The following INTS6L variants were observed in gnomAD, a reference collection of about 807,000 sequenced individuals.
INTS6L encodes integrator complex subunit 6-like.
INTS6L carries 18 observed loss-of-function variants against 64.7 expected under a neutral mutation model. The ratio of observed to expected loss-of-function variants is 0.28; its 90% CI spans 0.19 to 0.41. The LOEUF (loss-of-function observed/expected upper bound fraction) is 0.41, where lower values mean the gene tolerates loss of function less well. Among genes scored for constraint, INTS6L ranks in the 10% least tolerant of loss-of-function variants. The pLI is 1.00. For missense variants in INTS6L, 533 were observed against 661.0 expected (o/e 0.81, Z 2.12); for synonymous variants, 227 against 235.9 (o/e 0.96, Z 0.34).
At chrX:135,523,447 T>C (rs782223597) in intron 2 of INTS6L, among the ~76,000 whole-genome samples, 9 of 106,395 alleles carry the variant, frequency 8.5e-5, no homozygotes, top group African/African-American at 3.0e-4. Flanking sequence ...TATTTATCAT[T>C]TTTCCATATG....
rs1603014925 is a variant in INTS6L at position 135,577,266 on chromosome X, A to G, written c.1958A>G (p.Asn653Ser). The change falls in exon 15 of 18, where the codon AAC (asparagine) becomes AGC (serine). Residue 653 changes from asparagine (N) to serine (S), a missense_variant. Coordinates refer to ENST00000639893, the MANE Select transcript of INTS6L (RefSeq NM_001351601.3). ...QNKVKRPGEPNSPMSSKRRRS... is the reference protein window; with the variant it reads ...QNKVKRPGEPSSPMSSKRRRS... ...AAAGTGAAACGTCCAGGGGAACCCA[A>G]CAGTCCTATGTCATCTAAGAGAAGG... The G allele has an allele frequency of 3.3e-6, 4 of 1,209,913 alleles. No homozygotes were observed. The highest frequency in any genetic ancestry group is 4.5e-6 in the Non-Finnish European group (4 of 895,298).
intron 2 of INTS6L, among the ~76,000 whole-genome samples, chrX:135,530,037 CAG>C (rs2085862946): frequency 8.9e-6 from 1 of 111,961 alleles, no homozygotes; most frequent in Non-Finnish European, 1.9e-5. Flanking sequence ...TCAATTGTGA[CAG>C]AAAATTCCTT....
chrX:135,574,133 A>G, intron 13 of INTS6L, 71 bp downstream of exon 13: 1 of 1,056,564 alleles, frequency 9.5e-7, no homozygotes. Context: ...GAAGGTGTTT[A>G]TTGCATAATG....
intron 3 of INTS6L, among the ~76,000 whole-genome samples, chrX:135,546,057 T>A (rs1556514973): frequency 8.9e-6 from 1 of 112,237 alleles, no homozygotes; most frequent in Admixed American, 9.4e-5. Context: ...CTTAAGTGAA[T>A]GGATTCATGA....
At chrX:135,549,618 G>C in intron 6 of INTS6L, 24 bp from the exon 7 acceptor site, 1 of 1,192,001 alleles carries the variant, frequency 8.4e-7, no homozygotes, top group Non-Finnish European at 1.1e-6. Context: ...TCACGCCTTA[G>C]TTTGTCTTTT....
rs782481778 is a variant in INTS6L, at chrX:135,526,403, T to C, written c.189+5085T>C. Among the ~76,000 whole-genome samples the C allele has an allele frequency of 2.7e-5, 3 of 111,700 alleles. No individual in the cohort carries two copies. The East Asian group carries it at 8.5e-4, about 32-fold the overall frequency. On this transcript the variant is annotated intron_variant, in intron 2 of 17. Coordinates refer to ENST00000639893, the MANE Select transcript of INTS6L (RefSeq NM_001351601.3). ...TGTCTCTGCGCCCTCTCTTCTCTTCTCATGGACCTCAGGCTTCACCCACAA... is the reference window on the plus strand; with the variant it reads ...TGTCTCTGCGCCCTCTCTTCTCTTCCCATGGACCTCAGGCTTCACCCACAA...
At position 135,574,090 on chromosome X, in the gene INTS6L, T is replaced by G. The variant is rs781826614; in HGVS notation, c.1741+28T>G. 1.0e-5 allele frequency: 12 copies of G among 1,172,746 alleles called. No individual in the cohort carries two copies. The African/African-American group carries it at 2.2e-4, about 21-fold the overall frequency. On this transcript the variant is annotated intron_variant, in intron 13 of 17. Transcript: ENST00000639893. ...AAAATAACTGTGAAATACTTTTTTT[T>G]TTTTTTTGGAAAATGCCAGGCATGA... is the stretch of plus-strand genomic sequence containing the variant.
intron 2 of INTS6L, 29 bp downstream of exon 2, chrX:135,521,347 C>T: frequency 1.7e-6 from 2 of 1,168,276 alleles, no homozygotes; most frequent in Non-Finnish European, 2.3e-6. Flanking sequence ...GGGGGACAGG[C>T]GGGAAGCGGG....
At chrX:135,537,714 TTA>T (rs1328217578) in intron 2 of INTS6L, among the ~76,000 whole-genome samples, 1 of 112,053 alleles carries the variant, frequency 8.9e-6, no homozygotes, top group Admixed American at 9.5e-5. Flanking sequence ...TTTATTAAAC[TTA>T]TAAACTAATC....
Position 135,546,707 on chromosome X carries a change from T to C in INTS6L, c.435T>C (p.His145=), listed in dbSNP as rs782214292. The part of the protein sequence containing the change: ...TSTAGVQEEL[H]LPLNSPLPGS... ...TCACATTTTTGCCTTATCAGCTCCATCTTCCTTTGAATTCCCCTCTGCCTG... is the reference window on the plus strand; with the variant it reads ...TCACATTTTTGCCTTATCAGCTCCACCTTCCTTTGAATTCCCCTCTGCCTG... The change falls in exon 5 of 18, where the codon CAT becomes CAC. Residue 145 remains histidine (H), a synonymous_variant. Transcript: ENST00000639893. The C allele has an allele frequency of 6.6e-6, 8 of 1,205,702 alleles. No homozygotes were observed. Among genetic ancestry groups the C allele is most frequent in the Non-Finnish European group, 6.7e-6 (6 of 891,486 alleles).
chrX:135,551,736 A>G (rs782532249), intron 7 of INTS6L, among the ~76,000 whole-genome samples: 1 of 111,561 alleles, frequency 9.0e-6, no homozygotes, highest in Non-Finnish European at 1.9e-5. Flanking sequence ...TTTTCAATTC[A>G]CTGAAATTTT....
At chrX:135,570,663 G>A in intron 11 of INTS6L, 117 bp downstream of exon 11, 1 of 834,170 alleles carries the variant, frequency 1.2e-6, no homozygotes, top group South Asian at 3.1e-5. Context: ...TACACTTTAT[G>A]GATTAGTAAT....
chrX:135,548,631 A>G (rs1435771477), intron 6 of INTS6L, among the ~76,000 whole-genome samples: 2 of 111,104 alleles, frequency 1.8e-5, no homozygotes, highest in African/African-American at 6.5e-5. Flanking sequence ...CCCTTTCCTC[A>G]GAAAAATACA....
At chrX:135,561,524 G>A (rs1218443593) in intron 9 of INTS6L, among the ~76,000 whole-genome samples, 1 of 111,604 alleles carries the variant, frequency 9.0e-6, no homozygotes, top group Non-Finnish European at 1.9e-5. Context: ...TTAGTATCAA[G>A]GTAATACAAG....
intron 2 of INTS6L, among the ~76,000 whole-genome samples, chrX:135,539,939 C>G (rs187904845): frequency 0.028 from 3,097 of 111,420 alleles, 49 homozygotes; most frequent in East Asian, 0.065. Flanking sequence ...TCAAAGCTCA[C>G]TGATCATAGA....
At chrX:135,559,951 T>C (rs1392277179) in intron 9 of INTS6L, among the ~76,000 whole-genome samples, 1 of 112,443 alleles carries the variant, frequency 8.9e-6, no homozygotes, top group African/African-American at 3.2e-5. Flanking sequence ...ATATGTTCTT[T>C]GGTGAACTGA....
chrX:135,556,127 C>T, intron 8 of INTS6L, 41 bp from the exon 9 acceptor site: 3 of 1,116,888 alleles, frequency 2.7e-6, no homozygotes, highest in Non-Finnish European at 3.5e-6. Flanking sequence ...GACATAAAAT[C>T]CTTATTGTCA....
At chrX:135,531,627 C>T (rs1373336358) in intron 2 of INTS6L, among the ~76,000 whole-genome samples, 1 of 112,213 alleles carries the variant, frequency 8.9e-6, no homozygotes, top group Non-Finnish European at 1.9e-5. Context: ...AGCCTTCTAA[C>T]TGGACTCCCA....
intron 13 of INTS6L, among the ~76,000 whole-genome samples, chrX:135,574,705 T>C (rs781854070): frequency 2.7e-5 from 3 of 111,931 alleles, no homozygotes; most frequent in Non-Finnish European, 5.6e-5. Context: ...AATCAAATTT[T>C]CAGTGATTAA....
Sources: gnomAD v4.1 joint callset for allele counts (sites outside exome capture counted in the v4.1 genomes callset) on GRCh38, gnomAD v4.1.1 for gene constraint, MANE v1.5 for transcripts, NCBI Gene and HGNC (gene_info 2026-07-23, HGNC 2026-07-21) for gene names.